Variants in SASH1 observed in about 807,000 individuals in gnomAD.
SASH1 encodes the protein SAM and SH3 domain containing 1, also known as SAM and SH3 domain-containing protein 1.
In SASH1, 44 loss-of-function variants were observed where a neutral mutation model predicts 125.2. The ratio of observed to expected loss-of-function variants is 0.35; its 90% CI spans 0.28 to 0.45. SASH1 has a LOEUF of 0.45. Ranked by LOEUF, SASH1 falls within the 20% of genes least tolerant of loss-of-function variation. SASH1 has a pLI of 1.00. For missense variants in SASH1, 1,426 were observed against 1,614.5 expected, an observed-to-expected ratio of 0.88 and a Z score of 2.00; for synonymous variants, 639 against 649.1, an observed-to-expected ratio of 0.98 and a Z score of 0.24.
chr6:148,543,521 C>CT (rs1312202711), intron 17 of SASH1, among the ~76,000 whole-genome samples, 159 bp from the exon 18 acceptor site: 2 of 152,180 alleles, frequency 1.3e-5, no homozygotes, highest in East Asian at 3.8e-4. Flanking sequence ...TAATAACCCT[C>CT]TATCACCCGA....
chr6:148,533,643 C>T lies in SASH1; in HGVS notation c.1735-128C>T. On this transcript the variant is annotated intron_variant, in intron 14 of 19. Transcript: ENST00000367467. The surrounding 1 kb of genome is among the most constrained non-coding windows in gnomAD (Gnocchi z 6.2). Reference sequence around the variant, plus strand: ...CTATGCAGGTCACTCAGAGGGGTGACTTGTGGGACCCCGATTCTGGCCTTT... The same window carrying T: ...CTATGCAGGTCACTCAGAGGGGTGATTTGTGGGACCCCGATTCTGGCCTTT... 2 of 855,738 alleles carry T rather than the reference C, an allele frequency of 2.3e-6. No homozygotes were observed. Among genetic ancestry groups the T allele is most frequent in the Middle Eastern group, 3.7e-4 (1 of 2,720 alleles). 53.0% of individuals were successfully genotyped at this position (855,738 alleles called of 1,614,324 possible).
chr6:148,401,887 G>A (rs1784182802), intron 2 of SASH1, among the ~76,000 whole-genome samples: 1 of 152,072 alleles, frequency 6.6e-6, no homozygotes, highest in African/African-American at 2.4e-5. Context: ...ATTTCAAAGG[G>A]TGTCTTTGTT....
At chr6:148,303,534 C>T (rs1296183462) in intron 1 of SASH1, among the ~76,000 whole-genome samples, 7 of 152,278 alleles carry the variant, frequency 4.6e-5, no homozygotes, top group Admixed American at 2.6e-4. Context: ...CAGTGGCTCA[C>T]GCCTGTAATC....
At chr6:148,258,294 C>A in the SASH1 span, among the ~76,000 whole-genome samples, 1 of 152,114 alleles carries the variant, frequency 6.6e-6, no homozygotes, top group African/African-American at 2.4e-5. Context: ...ACTAAAGAAT[C>A]CTAAATCATT....
intron 18 of SASH1, 63 bp from the exon 19 acceptor site, chr6:148,545,952 C>T: frequency 6.5e-7 from 1 of 1,547,716 alleles, no homozygotes; most frequent in South Asian, 1.2e-5. Context: ...TGTGGTGTAT[C>T]TTAGGGAAAG....
intron 2 of SASH1, among the ~76,000 whole-genome samples, chr6:148,411,113 C>A (rs188844315): frequency 1.4e-4 from 18 of 127,322 alleles, no homozygotes; most frequent in African/African-American, 5.4e-4. Context: ...GAGCTGAGAT[C>A]GTGCCACTGC....
At chr6:148,490,804 G>A (rs1382511111) in intron 8 of SASH1, among the ~76,000 whole-genome samples, 4 of 152,094 alleles carry the variant, frequency 2.6e-5, no homozygotes, top group Admixed American at 2.6e-4. Context: ...AAAATTCTAT[G>A]TGATCTGGCT....
intron 1 of SASH1, among the ~76,000 whole-genome samples, chr6:148,284,300 G>A (rs796305832): frequency 3.3e-5 from 5 of 152,072 alleles, no homozygotes; most frequent in East Asian, 3.9e-4. Flanking sequence ...CTAGCCAGGC[G>A]TGGTGGCACA....
upstream of SASH1, among the ~76,000 whole-genome samples, chr6:148,339,023 AAG>A (rs1187131247): frequency 4.5e-3 from 646 of 142,662 alleles, 46 homozygotes; most frequent in East Asian, 6.0e-3. Context: ...AAAAAAAAAA[AAG>A]AGAGAGAGAG....
upstream of SASH1, among the ~76,000 whole-genome samples, chr6:148,342,059 T>G (rs1365262096): frequency 2.6e-5 from 4 of 152,182 alleles, no homozygotes; most frequent in Non-Finnish European, 5.9e-5. Flanking sequence ...TGAATTTAGT[T>G]TCGAAAATAG....
the SASH1 span, among the ~76,000 whole-genome samples, chr6:148,238,227 A>G: frequency 1.3e-5 from 2 of 151,338 alleles, no homozygotes; most frequent in African/African-American, 4.9e-5. Flanking sequence ...ATTTTATTTT[A>G]TTTTATTTAT....
At chr6:148,531,889 A>G (rs1256478973) in intron 13 of SASH1, among the ~76,000 whole-genome samples, 1 of 151,914 alleles carries the variant, frequency 6.6e-6, no homozygotes, top group East Asian at 1.9e-4. Flanking sequence ...GATCGGAGAC[A>G]ATAGGGAAAG....
intron 19 of SASH1, among the ~76,000 whole-genome samples, chr6:148,548,083 C>T (rs1454297436): frequency 1.3e-5 from 2 of 152,200 alleles, no homozygotes; most frequent in African/African-American, 2.4e-5. Context: ...CCAACACCTT[C>T]GAGAACCTTG....
At chr6:148,474,354 G>C in intron 7 of SASH1, 132 bp downstream of exon 7, 1 of 566,726 alleles carries the variant, frequency 1.8e-6, no homozygotes, top group South Asian at 2.3e-5. Context: ...CTGTTTACTT[G>C]ATACAAACAT....
rs1782768105 is a variant in SASH1 at position 148,549,439 on chromosome 6, T to G, written c.*881T>G. Reference sequence around the variant, plus strand: ...CGTGCGTGCGCGTGTGTGTCTGTATTCATAGTGACTGCTTTTGGTTTTAAC... The same window carrying G: ...CGTGCGTGCGCGTGTGTGTCTGTATGCATAGTGACTGCTTTTGGTTTTAAC... On this transcript the variant is annotated 3_prime_UTR_variant, in exon 20 of 20. Transcript: ENST00000367467. The G allele has an allele frequency of 2.5e-6, 1 of 394,574 alleles. No individual in the cohort carries two copies. Among genetic ancestry groups the G allele is most frequent in the South Asian group, 1.4e-4 (1 of 7,154 alleles). The allele number at this position is 394,574 out of a possible 1,614,324, so 24.4% of individuals were successfully genotyped here.
chr6:148,396,035 G>T (rs1783933465), intron 2 of SASH1, among the ~76,000 whole-genome samples: 1 of 152,214 alleles, frequency 6.6e-6, no homozygotes, highest in Non-Finnish European at 1.5e-5. Flanking sequence ...CTCATCAGCA[G>T]CTGAAGCCTG....
chr6:148,525,493 G>GA (rs1781091190), intron 11 of SASH1, 128 bp downstream of exon 11: 3 of 769,018 alleles, frequency 3.9e-6, no homozygotes, highest in Middle Eastern at 2.4e-4. Context: ...GTCACGTTTG[G>GA]AAAAAAGCTC....
At chr6:148,252,986 G>T in the SASH1 span, among the ~76,000 whole-genome samples, 6,207 of 152,220 alleles carry the variant, frequency 0.041, 198 homozygotes, top group East Asian at 0.15. Context: ...TGGCACAGGG[G>T]GACTAGCCCG....
intron 11 of SASH1, 170 bp from the exon 12 acceptor site, chr6:148,527,283 T>C (rs1219622393): frequency 3.6e-6 from 2 of 562,490 alleles, no homozygotes; most frequent in Non-Finnish European, 5.7e-6. Flanking sequence ...TCAATAAGCT[T>C]TAATTTTTAA....
Sources: gnomAD v4.1 joint callset for allele counts (sites outside exome capture counted in the v4.1 genomes callset) on GRCh38, gnomAD v4.1.1 for gene constraint, Gnocchi (gnomAD v3.1) non-coding constraint, MANE v1.5 for transcripts, NCBI Gene and HGNC (gene_info 2026-07-23, HGNC 2026-07-21) for gene names.